The following EEA1 variants were observed in gnomAD, a reference collection of about 807,000 sequenced individuals.
EEA1 encodes early endosome antigen 1.
Under a neutral mutation model 209.2 loss-of-function variants are expected in EEA1, and 111 were observed. That is an observed-to-expected ratio of 0.53 (90% CI 0.45 to 0.62). The LOEUF (loss-of-function observed/expected upper bound fraction) is 0.62. EEA1 is among the 20% of genes least tolerant of loss of function. The pLI is 0.00. For synonymous variants in EEA1, 536 were observed against 540.6 expected (o/e 0.99, Z 0.12); for missense variants, 1,343 against 1,530.8 (o/e 0.88, Z 2.05).
chr12:92,821,838 T>C (rs917473789), intron 13 of EEA1, among the ~76,000 whole-genome samples: 23 of 149,892 alleles, frequency 1.5e-4, no homozygotes, highest in Non-Finnish European at 3.4e-4. Context: ...TATAATTACA[T>C]ACACATATAA....
At chr12:92,826,428 G>T in intron 12 of EEA1, 143 bp from the exon 13 acceptor site, 1 of 681,988 alleles carries the variant, frequency 1.5e-6, no homozygotes, top group Non-Finnish European at 2.3e-6. Context: ...GTGGTACCTT[G>T]GCTGGGCACA....
intron 19 of EEA1, 79 bp downstream of exon 19, chr12:92,802,325 T>C: frequency 1.5e-6 from 2 of 1,309,902 alleles, no homozygotes; most frequent in South Asian, 1.5e-5. Context: ...AAAAGCAAAC[T>C]GTGAATTAAG....
intron 14 of EEA1, among the ~76,000 whole-genome samples, chr12:92,818,851 T>C (rs1875917363): frequency 6.6e-6 from 1 of 152,216 alleles, no homozygotes; most frequent in African/African-American, 2.4e-5. Context: ...CTATACATGA[T>C]GCAAAGACAT....
At chr12:92,829,349 T>C (rs1326662453) in intron 11 of EEA1, among the ~76,000 whole-genome samples, 1 of 152,114 alleles carries the variant, frequency 6.6e-6, no homozygotes, top group Admixed American at 6.5e-5. Flanking sequence ...AATGCTAAAT[T>C]TGTTTATCTG....
At chr12:92,852,385 T>C in intron 7 of EEA1, 89 bp from the exon 8 acceptor site, 1 of 814,846 alleles carries the variant, frequency 1.2e-6, no homozygotes, top group Non-Finnish European at 1.7e-6. Flanking sequence ...TGTATATCAC[T>C]CTAATTCAAA....
At chr12:92,845,607 G>T (rs1490271229) in intron 9 of EEA1, among the ~76,000 whole-genome samples, 1 of 152,040 alleles carries the variant, frequency 6.6e-6, no homozygotes, top group East Asian at 1.9e-4. Flanking sequence ...TATCCTCCAT[G>T]AGATCTTCCC....
chr12:92,775,945 T>G lies in EEA1; in HGVS notation c.*66A>C. Reference sequence around the variant, plus strand: ...CCAAACCAAATAGTAGTCCAAGACCTCTATTAAGTACATTTATTAAAAATC... The same window carrying G: ...CCAAACCAAATAGTAGTCCAAGACCGCTATTAAGTACATTTATTAAAAATC... On this transcript the variant is annotated 3_prime_UTR_variant, in exon 29 of 29. Coordinates refer to ENST00000322349, the MANE Select transcript of EEA1 (RefSeq NM_003566.4). 6.5e-7 allele frequency: 1 copy of G among 1,533,906 alleles called. No individual in the cohort carries two copies. Among genetic ancestry groups the G allele is most frequent in the Non-Finnish European group, 8.8e-7 (1 of 1,130,636 alleles).
In EEA1 at chr12:92,880,341, G is replaced by A. The variant is rs73209520; in HGVS notation, c.117+11288C>T. Among the ~76,000 whole-genome samples, 1,461 of 152,230 alleles carry A rather than the reference G, an allele frequency of 9.6e-3. 17 individuals carry two copies. The highest frequency in any genetic ancestry group is 0.016 in the Non-Finnish European group (1,056 of 68,002). Reference sequence around the variant, plus strand: ...TTTTTTTGAGTTGTGGTCTCACTCTGTCACTCTAACTGGAGTGCAGTAGTG... The same window carrying A: ...TTTTTTTGAGTTGTGGTCTCACTCTATCACTCTAACTGGAGTGCAGTAGTG... On this transcript the variant is annotated intron_variant, in intron 2 of 28. Coordinates refer to ENST00000322349, the MANE Select transcript of EEA1 (RefSeq NM_003566.4).
chr12:92,790,291 T>C (rs1874341252), intron 21 of EEA1, among the ~76,000 whole-genome samples: 2 of 152,022 alleles, frequency 1.3e-5, no homozygotes, highest in African/African-American at 2.4e-5. Flanking sequence ...CTTTGACGAG[T>C]TGACAGATGT....
At position 92,802,541 on chromosome 12, in the gene EEA1, T is replaced by G; in HGVS notation, c.2533A>C (p.Lys845Gln). The G allele has an allele frequency of 6.2e-7, 1 of 1,600,082 alleles. No individual in the cohort carries two copies. Among genetic ancestry groups the G allele is most frequent in the South Asian group, 1.1e-5 (1 of 87,700 alleles). The change falls in exon 19 of 29, where the codon AAA becomes CAA. Residue 845 changes from lysine (K) to glutamine (Q), a missense_variant. Physicochemically the swap from Lys to Gln is moderately conservative, Grantham distance 53. This residue lies in a region of EEA1 where 1,307 missense variants were observed against 1,465.5 expected (regional missense o/e 0.89). Coordinates refer to ENST00000322349, the MANE Select transcript of EEA1 (RefSeq NM_003566.4). ...GTCATTAAAGCTTCTTTCTCCATTT[T>G]CACTTTTTGTAGTTCTGTTACTGTT... The part of the protein sequence containing the change: ...QTTVTELQKV[K>Q]MEKEALMTEL...
intron 10 of EEA1, 72 bp from the exon 11 acceptor site, chr12:92,832,922 T>C: frequency 8.9e-7 from 1 of 1,129,338 alleles, no homozygotes; most frequent in Non-Finnish European, 1.2e-6. Context: ...AAACAATCTT[T>C]GGAGCAGTAC....
At chr12:92,865,126 C>A in intron 2 of EEA1, 139 bp from the exon 3 acceptor site, 1 of 567,300 alleles carries the variant, frequency 1.8e-6, no homozygotes, top group Non-Finnish European at 2.8e-6. Context: ...GGTATTAATC[C>A]CAAATTCTAG....
At chr12:92,878,022 CT>C (rs1284050636) in intron 2 of EEA1, among the ~76,000 whole-genome samples, 1 of 152,100 alleles carries the variant, frequency 6.6e-6, no homozygotes, top group Non-Finnish European at 1.5e-5. Flanking sequence ...GATTCCAGTC[CT>C]TGTGGTTGCT....
chr12:92,904,140 T>C (rs1432031425), intron 1 of EEA1, among the ~76,000 whole-genome samples: 1 of 152,076 alleles, frequency 6.6e-6, no homozygotes. Flanking sequence ...TTTGTATTTT[T>C]AGTAGAGACG....
intron 9 of EEA1, among the ~76,000 whole-genome samples, chr12:92,849,371 A>C (rs1286164691): frequency 6.6e-6 from 1 of 152,240 alleles, no homozygotes; most frequent in Non-Finnish European, 1.5e-5. Flanking sequence ...GTATTTTGAC[A>C]TTAACATCTG....
At chr12:92,923,970 G>T (rs1881113500) in intron 1 of EEA1, among the ~76,000 whole-genome samples, 1 of 151,884 alleles carries the variant, frequency 6.6e-6, no homozygotes, top group Non-Finnish European at 1.5e-5. Flanking sequence ...AATCAGCCAG[G>T]TGTGGTAGTT....
intron 1 of EEA1, 47 bp downstream of exon 1, chr12:92,928,996 G>T: frequency 6.4e-7 from 1 of 1,562,446 alleles, no homozygotes; most frequent in Non-Finnish European, 8.7e-7. Flanking sequence ...CCCGAGCTCC[G>T]GCTGTCCCGC....
chr12:92,827,440 T>C (rs1032263782), intron 12 of EEA1, among the ~76,000 whole-genome samples: 3 of 152,222 alleles, frequency 2.0e-5, no homozygotes, highest in Admixed American at 6.5e-5. Flanking sequence ...TTAATAACTT[T>C]TACTTTATAT....
intron 2 of EEA1, among the ~76,000 whole-genome samples, chr12:92,874,049 A>C (rs1878765647): frequency 6.6e-6 from 1 of 152,140 alleles, no homozygotes; most frequent in African/African-American, 2.4e-5. Flanking sequence ...ACAGTGGCTC[A>C]CACCTGTAAT....
Sources: allele counts gnomAD v4.1 joint callset (sites outside exome capture counted in the v4.1 genomes callset), GRCh38; gene constraint gnomAD v4.1.1; regional missense constraint gnomAD v4.1.1; transcripts MANE v1.5; gene names NCBI Gene and HGNC (gene_info 2026-07-23, HGNC 2026-07-21).